Variants in RSRC1 observed in about 807,000 individuals in gnomAD.
RSRC1 encodes arginine and serine rich coiled-coil 1, also known as serine/Arginine-related protein 53.
Under a neutral mutation model 49.1 loss-of-function variants are expected in RSRC1, and 39 were observed. That is an observed-to-expected ratio of 0.79 (90% CI 0.61 to 1.04). The LOEUF is 1.04. Ranked by LOEUF, RSRC1 falls within the 50% of genes least tolerant of loss-of-function variation. The pLI, the probability that RSRC1 is intolerant of heterozygous loss-of-function variation, is 0.00. For missense variants in RSRC1, 388 were observed against 402.4 expected (o/e 0.96, Z 0.31); for synonymous variants, 143 against 130.8 (o/e 1.09, Z -0.63).
At chr3:158,524,967 C>T (rs1036427030) in intron 7 of RSRC1, among the ~76,000 whole-genome samples, 1 of 151,860 alleles carries the variant, frequency 6.6e-6, no homozygotes, top group African/African-American at 2.4e-5. Context: ...ATTATAAAAG[C>T]TAAAACTATA....
chr3:158,137,172 A>G (rs996913741), intron 3 of RSRC1, among the ~76,000 whole-genome samples: 3 of 152,118 alleles, frequency 2.0e-5, no homozygotes, highest in African/African-American at 7.2e-5. Flanking sequence ...TGATTATTAA[A>G]CCTATTGAAT....
At position 158,248,931 on chromosome 3, in the gene RSRC1, T is replaced by G. The variant is rs541457453; in HGVS notation, c.494+45686T>G. On this transcript the variant is annotated intron_variant, in intron 4 of 9. Coordinates refer to ENST00000611884, the MANE Select transcript of RSRC1 (RefSeq NM_001271838.2). Reference sequence around the variant, plus strand: ...TGTACATTGACAGGTGTCAGGTTGCTCCATATACTTACCAATAGTTGGTAT... The same window carrying G: ...TGTACATTGACAGGTGTCAGGTTGCGCCATATACTTACCAATAGTTGGTAT... Among the ~76,000 whole-genome samples the G allele has an allele frequency of 9.3e-4, 142 of 152,316 alleles. 1 individual carries two copies. The highest frequency in any genetic ancestry group is 3.3e-3 in the African/African-American group (139 of 41,574).
intron 4 of RSRC1, among the ~76,000 whole-genome samples, chr3:158,262,289 G>A (rs934752721): frequency 2.6e-5 from 4 of 151,976 alleles, no homozygotes; most frequent in African/African-American, 7.3e-5. Flanking sequence ...GTTTATTTGA[G>A]GTAGTTTTGA....
chr3:158,256,524 TTTG>T lies in RSRC1; in HGVS notation c.495-41498_495-41496del, dbSNP rs1403535821. ...AGGGGTATTGGTCTAAAATTCTCTC[TTTG>T]TTGTTGTTGTTGTTGTGTCTCTGCT... On this transcript the variant is annotated intron_variant, in intron 4 of 9. Transcript: ENST00000611884. 5.9e-5 allele frequency among the ~76,000 whole-genome samples: 9 copies of T among 152,032 alleles called. No homozygotes were observed. The East Asian group carries it at 1.5e-3, about 26-fold the overall frequency.
intron 4 of RSRC1, among the ~76,000 whole-genome samples, chr3:158,245,836 G>A (rs571604139): frequency 6.6e-6 from 1 of 152,076 alleles, no homozygotes; most frequent in Non-Finnish European, 1.5e-5. Flanking sequence ...TATGATCTTT[G>A]TTGGTTTAAA....
At chr3:158,425,369 T>C (rs1735358803) in intron 6 of RSRC1, among the ~76,000 whole-genome samples, 2 of 152,140 alleles carry the variant, frequency 1.3e-5, no homozygotes, top group South Asian at 4.2e-4. Context: ...GGTTGTTCAG[T>C]TTCCATGTAG....
At chr3:158,143,970 A>G (rs1443261252) in intron 3 of RSRC1, among the ~76,000 whole-genome samples, 1 of 152,118 alleles carries the variant, frequency 6.6e-6, no homozygotes, top group African/African-American at 2.4e-5. Flanking sequence ...AACATCCTCT[A>G]TATTATTTCC....
At chr3:158,412,060 T>C (rs1035151878) in intron 6 of RSRC1, among the ~76,000 whole-genome samples, 1 of 152,176 alleles carries the variant, frequency 6.6e-6, no homozygotes, top group Non-Finnish European at 1.5e-5. Context: ...TTAAAGATGA[T>C]ACCTATAGAA....
chr3:158,472,173 C>T (rs10936144), intron 7 of RSRC1, among the ~76,000 whole-genome samples: 30,390 of 151,924 alleles, frequency 0.2, 3,471 homozygotes, highest in South Asian at 0.27. Flanking sequence ...TTTATAATTC[C>T]AAGATAAGGT....
At chr3:158,235,464 T>C (rs1344039186) in intron 4 of RSRC1, among the ~76,000 whole-genome samples, 2 of 152,104 alleles carry the variant, frequency 1.3e-5, no homozygotes, top group East Asian at 3.9e-4. Flanking sequence ...AAAAAAACAG[T>C]GCCAATTAAT....
intron 4 of RSRC1, among the ~76,000 whole-genome samples, chr3:158,235,271 G>A (rs1289352410): frequency 1.3e-5 from 2 of 152,026 alleles, no homozygotes; most frequent in Non-Finnish European, 2.9e-5. Flanking sequence ...CTAGAGTCTG[G>A]AATCAGCCAC....
In RSRC1 at chr3:158,225,175, C is replaced by G. The variant is rs1425502593; in HGVS notation, c.494+21930C>G. 2.0e-5 allele frequency among the ~76,000 whole-genome samples: 3 copies of G among 151,784 alleles called. No homozygotes were observed. The East Asian group carries it at 5.9e-4, about 30-fold the overall frequency. On this transcript the variant is annotated intron_variant, in intron 4 of 9. Coordinates refer to ENST00000611884, the MANE Select transcript of RSRC1 (RefSeq NM_001271838.2). ...AGAGAGACCTAGTCTAGCCTGTTTC[C>G]CTGCAGATGAGTAGAGTGTGACCAC...
intron 7 of RSRC1, among the ~76,000 whole-genome samples, chr3:158,514,041 A>G (rs1231365012): frequency 1.3e-5 from 2 of 151,894 alleles, no homozygotes; most frequent in African/African-American, 4.8e-5. Context: ...CGGTCTATCA[A>G]TTTTGTTGAT....
intron 7 of RSRC1, among the ~76,000 whole-genome samples, chr3:158,484,396 G>A (rs965602995): frequency 2.0e-5 from 3 of 152,092 alleles, no homozygotes; most frequent in African/African-American, 7.2e-5. Context: ...AAGATGTTAT[G>A]GGTTATTAAG....
chr3:158,199,706 G>A (rs964266129), intron 3 of RSRC1, among the ~76,000 whole-genome samples: 1 of 152,130 alleles, frequency 6.6e-6, no homozygotes, highest in African/African-American at 2.4e-5. Flanking sequence ...CTCATATGTT[G>A]TATTTTTCAT....
At chr3:158,374,647 G>T (rs947711989) in intron 6 of RSRC1, among the ~76,000 whole-genome samples, 3 of 152,064 alleles carry the variant, frequency 2.0e-5, no homozygotes, top group African/African-American at 7.2e-5. Context: ...TAAATGACCT[G>T]TCATCAAATG....
In RSRC1 at chr3:158,110,207, C is replaced by A. The variant is rs1714271115; in HGVS notation, c.-19C>A. 1 of 152,314 alleles carries A rather than the reference C, an allele frequency of 6.6e-6. No individual in the cohort carries two copies. The highest frequency in any genetic ancestry group is 1.5e-5 in the Non-Finnish European group (1 of 68,112). 9.4% of individuals were successfully genotyped at this position (152,314 alleles called of 1,614,324 possible). ...TGCACGTCAACGGGAGGTGTGAGCC[C>A]AAAGGTCTGGACCCAGGTGATGCCC... On this transcript the variant is annotated 5_prime_UTR_variant, in exon 1 of 10. Coordinates refer to ENST00000611884, the MANE Select transcript of RSRC1 (RefSeq NM_001271838.2).
At chr3:158,306,308 A>G (rs944107392) in intron 5 of RSRC1, among the ~76,000 whole-genome samples, 1 of 151,946 alleles carries the variant, frequency 6.6e-6, no homozygotes, top group East Asian at 1.9e-4. Context: ...AAATACAGTC[A>G]TACTATGTAT....
intron 4 of RSRC1, among the ~76,000 whole-genome samples, chr3:158,236,328 A>G (rs1178667266): frequency 6.6e-6 from 1 of 152,218 alleles, no homozygotes; most frequent in South Asian, 2.1e-4. Flanking sequence ...TTTAAAATAA[A>G]GGTACGTCTT....
Sources: gnomAD v4.1 joint callset for allele counts (sites outside exome capture counted in the v4.1 genomes callset) on GRCh38, gnomAD v4.1.1 for gene constraint, MANE v1.5 for transcripts, NCBI Gene and HGNC (gene_info 2026-07-23, HGNC 2026-07-21) for gene names.